The following CRTC3 variants were observed in gnomAD, a reference collection of about 807,000 sequenced individuals.
CRTC3 encodes CREB regulated transcription coactivator 3.
A neutral mutation model predicts 74.5 loss-of-function variants in CRTC3; 26 were observed. The observed-to-expected ratio is 0.35, with a 90% CI of 0.26 to 0.48. CRTC3 has a LOEUF of 0.48. Ranked by LOEUF, CRTC3 falls within the 20% of genes least tolerant of loss-of-function variation. The pLI is 0.99. For missense variants in CRTC3, 760 were observed against 787.3 expected, an observed-to-expected ratio of 0.97 and a Z score of 0.41; for synonymous variants, 377 against 325.8, an observed-to-expected ratio of 1.16 and a Z score of -1.69.
At chr15:90,617,614 C>T (rs935092314) in intron 7 of CRTC3, among the ~76,000 whole-genome samples, 1 of 152,164 alleles carries the variant, frequency 6.6e-6, no homozygotes, top group Non-Finnish European at 1.5e-5. Flanking sequence ...AGTGCAGCCT[C>T]AGCCTCTCAG....
chr15:90,563,589 C>A lies in CRTC3; in HGVS notation c.231+23452C>A, dbSNP rs59317053. Among the ~76,000 whole-genome samples the A allele has an allele frequency of 1.7e-3, 258 of 152,346 alleles. 2 individuals carry two copies. The highest frequency in any genetic ancestry group is 6.0e-3 in the African/African-American group (248 of 41,584). On this transcript the variant is annotated intron_variant, in intron 2 of 14. Transcript: ENST00000268184. ...GATGGCTCTCACTTGGCACAGACAT[C>A]TTTCTGTATTGCACTACTTGCCCTG...
chr15:90,589,318 G>T (rs986125536), intron 2 of CRTC3, among the ~76,000 whole-genome samples: 5 of 151,296 alleles, frequency 3.3e-5, no homozygotes, highest in South Asian at 2.1e-4. Flanking sequence ...GCCTCCCAAA[G>T]TGCTGGGATT....
intron 2 of CRTC3, among the ~76,000 whole-genome samples, chr15:90,586,734 G>A (rs1441565549): frequency 6.6e-6 from 1 of 152,092 alleles, no homozygotes. Context: ...TCACTTCAAG[G>A]TATTTGGAAA....
At chr15:90,553,273 A>G (rs1258397314) in intron 2 of CRTC3, among the ~76,000 whole-genome samples, 1 of 152,118 alleles carries the variant, frequency 6.6e-6, no homozygotes, top group East Asian at 1.9e-4. Flanking sequence ...TCTGTGTGTG[A>G]TGTGCTCACT....
chr15:90,638,105 C>T, intron 11 of CRTC3: 1 of 274,646 alleles, frequency 3.6e-6, no homozygotes, highest in Non-Finnish European at 6.9e-6. Context: ...GAGCTAAGGG[C>T]CTTTTTCAAT....
Position 90,629,656 on chromosome 15 carries a change from A to G in CRTC3, c.1266+124A>G, listed in dbSNP as rs191568269. On this transcript the variant is annotated intron_variant, in intron 11 of 14. Transcript: ENST00000268184. Reference sequence around the variant, plus strand: ...TACACCAAGCACCCATGAGGTCTCAAGTGCAGTCTGTTCGCTCTTATATGT... The same window carrying G: ...TACACCAAGCACCCATGAGGTCTCAGGTGCAGTCTGTTCGCTCTTATATGT... The G allele has an allele frequency of 5.9e-5, 51 of 860,124 alleles. No individual in the cohort carries two copies. In the Admixed American group the frequency reaches 9.0e-4, roughly 15 times the overall value. The allele number at this position is 860,124 out of a possible 1,614,324, so 53.3% of individuals were successfully genotyped here. A position where few individuals can be genotyped will look rare whatever the true frequency, so the allele number is the denominator to read the frequency against.
At chr15:90,587,110 C>T (rs769159093) in intron 2 of CRTC3, among the ~76,000 whole-genome samples, 12 of 152,086 alleles carry the variant, frequency 7.9e-5, no homozygotes, top group Non-Finnish European at 1.8e-4. Flanking sequence ...TCAATAGTGT[C>T]TAAATTAGAG....
intron 8 of CRTC3, among the ~76,000 whole-genome samples, chr15:90,619,327 C>T (rs1175694105): frequency 1.3e-5 from 2 of 152,230 alleles, no homozygotes; most frequent in African/African-American, 4.8e-5. Flanking sequence ...TGTGGTGGTG[C>T]ATGCCTGTGA....
intron 3 of CRTC3, among the ~76,000 whole-genome samples, chr15:90,601,488 T>TA (rs71463746): frequency 0.2 from 30,854 of 151,284 alleles, 3,191 homozygotes; most frequent in Middle Eastern, 0.24. Flanking sequence ...TGTCTCTAAT[T>TA]AAAAAAAATA....
chr15:90,585,959 T>G (rs1022022023), intron 2 of CRTC3, among the ~76,000 whole-genome samples: 21 of 152,290 alleles, frequency 1.4e-4, no homozygotes, highest in African/African-American at 4.8e-4. Context: ...TGGTTGAAAT[T>G]GCCACATAAA....
At chr15:90,625,174 C>G (rs1968788337) in intron 9 of CRTC3, 1 of 154,362 alleles carries the variant, frequency 6.5e-6, no homozygotes, top group African/African-American at 2.4e-5. Flanking sequence ...CTTTTATACT[C>G]TTGCTCCAGG....
At chr15:90,577,953 A>G (rs1967445145) in intron 2 of CRTC3, among the ~76,000 whole-genome samples, 1 of 152,188 alleles carries the variant, frequency 6.6e-6, no homozygotes, top group Non-Finnish European at 1.5e-5. Flanking sequence ...TCTGCTGCCC[A>G]GACTGGAGTG....
intron 1 of CRTC3, among the ~76,000 whole-genome samples, chr15:90,539,448 G>T (rs1259729497): frequency 6.6e-6 from 1 of 152,038 alleles, no homozygotes; most frequent in Non-Finnish European, 1.5e-5. Flanking sequence ...AAGCATTTCG[G>T]CAGTATACGT....
At chr15:90,544,951 A>AT (rs915103310) in intron 2 of CRTC3, among the ~76,000 whole-genome samples, 1 of 152,158 alleles carries the variant, frequency 6.6e-6, no homozygotes, top group African/African-American at 2.4e-5. Context: ...AATCTCCAGA[A>AT]TTTTTTCATC....
rs568248872 is a variant in CRTC3 at position 90,572,796 on chromosome 15, A to G, written c.232-20840A>G. 7.2e-5 allele frequency among the ~76,000 whole-genome samples: 11 copies of G among 152,126 alleles called. No homozygotes were observed. In the East Asian group the frequency reaches 1.5e-3, roughly 21 times the overall value. ...TCACCATGTTGGCCAGGCTGGTCTT[A>G]AACTCCTGACCTCAGGTGATCTGCC... On this transcript the variant is annotated intron_variant, in intron 2 of 14. Transcript: ENST00000268184.
Position 90,629,501 on chromosome 15 carries a change from C to T in CRTC3, c.1235C>T (p.Thr412Ile). 1 of 1,614,142 alleles carries T rather than the reference C, an allele frequency of 6.2e-7. No homozygotes were observed. Among genetic ancestry groups the T allele is most frequent in the Non-Finnish European group, 8.5e-7 (1 of 1,180,032 alleles). The stretch of plus-strand genomic sequence containing the variant: ...GGTTTCAGCAGACAGCTGTCTTCAA[C>T]CAGCCCACTGGCCCCATATCCTACC... ...HQGFSRQLSS[T>I]SPLAPYPTSQ... Residue 412 changes from threonine (T) to isoleucine (I), a missense_variant, in exon 11 of 15, where the codon ACC becomes ATC. Around this residue, in one of 2 missense-constraint regions of CRTC3, gnomAD observed 652 missense variants for 635.2 expected, o/e 1.03. Coordinates refer to ENST00000268184, the MANE Select transcript of CRTC3 (RefSeq NM_022769.5).
In CRTC3 at chr15:90,644,901, C is replaced by G. The variant is rs1287651266; in HGVS notation, c.*2761C>G. 4.3e-6 allele frequency: 1 copy of G among 232,308 alleles called. No individual in the cohort carries two copies. Among genetic ancestry groups the G allele is most frequent in the Non-Finnish European group, 8.5e-6 (1 of 117,516 alleles). The allele number at this position is 232,308 out of a possible 1,614,324, so 14.4% of individuals were successfully genotyped here. ...CTTACAGCAGTTAAACAGCATAGAA[C>G]TAAAAACCTGTCTGCATTTCCATTT... On this transcript the variant is annotated 3_prime_UTR_variant, in exon 15 of 15. Coordinates refer to ENST00000268184, the MANE Select transcript of CRTC3 (RefSeq NM_022769.5).
intron 2 of CRTC3, among the ~76,000 whole-genome samples, chr15:90,565,965 G>T (rs1430650639): frequency 2.6e-5 from 4 of 152,198 alleles, no homozygotes; most frequent in African/African-American, 9.7e-5. Flanking sequence ...AAATGATTGA[G>T]GTTAGTGAGG....
At chr15:90,579,698 A>G (rs1433989972) in intron 2 of CRTC3, among the ~76,000 whole-genome samples, 1 of 138,440 alleles carries the variant, frequency 7.2e-6, no homozygotes, top group Non-Finnish European at 1.5e-5. Flanking sequence ...CTGGAGTGCA[A>G]TGGCACAATC....
Sources: allele counts gnomAD v4.1 joint callset (sites outside exome capture counted in the v4.1 genomes callset), GRCh38; gene constraint gnomAD v4.1.1; regional missense constraint gnomAD v4.1.1; transcripts MANE v1.5; gene names NCBI Gene and HGNC (gene_info 2026-07-23, HGNC 2026-07-21).